RNGTT: variants seen among roughly 807,000 people sequenced by gnomAD.
RNGTT encodes mRNA-capping enzyme.
Under a neutral mutation model 79.3 loss-of-function variants are expected in RNGTT, and 33 were observed. That is an observed-to-expected ratio of 0.42 (90% CI 0.32 to 0.56). RNGTT has a LOEUF of 0.56. Ranked by LOEUF, RNGTT falls within the 20% of genes least tolerant of loss-of-function variation. RNGTT has a pLI of 0.17. For synonymous variants in RNGTT, 222 were observed against 235.9 expected (o/e 0.94, Z 0.54); for missense variants, 497 against 739.1 (o/e 0.67, Z 3.80).
At chr6:88,649,634 T>C (rs1201835900) in intron 14 of RNGTT, among the ~76,000 whole-genome samples, 1 of 151,932 alleles carries the variant, frequency 6.6e-6, no homozygotes, top group Non-Finnish European at 1.5e-5. Context: ...GAGGTGGAGC[T>C]TGCAGTGAGC....
intron 13 of RNGTT, among the ~76,000 whole-genome samples, chr6:88,750,084 A>G (rs373538016): frequency 1.3e-5 from 2 of 152,188 alleles, no homozygotes; most frequent in African/African-American, 4.8e-5. Flanking sequence ...GTATGAGCTC[A>G]TCTTAACTTA....
chr6:88,761,016 A>AACACAC (rs1252503689), intron 13 of RNGTT, among the ~76,000 whole-genome samples: 1 of 94,356 alleles, frequency 1.1e-5, no homozygotes, highest in East Asian at 3.6e-4. Context: ...AAGCAAAAGA[A>AACACAC]ATACACACAC....
chr6:88,798,336 G>A (rs778318122), intron 12 of RNGTT, among the ~76,000 whole-genome samples: 8 of 151,930 alleles, frequency 5.3e-5, no homozygotes, highest in South Asian at 2.1e-4. Context: ...GTGGTGGTGC[G>A]CGCCTATAGT....
At chr6:88,854,279 A>T (rs532591259) in intron 8 of RNGTT, among the ~76,000 whole-genome samples, 2 of 152,084 alleles carry the variant, frequency 1.3e-5, no homozygotes, top group Non-Finnish European at 2.9e-5. Flanking sequence ...GAAAACACAG[A>T]GTATAGGGAA....
intron 8 of RNGTT, among the ~76,000 whole-genome samples, chr6:88,881,774 AAG>A (rs1171013422): frequency 1.3e-5 from 2 of 152,176 alleles, no homozygotes; most frequent in African/African-American, 2.4e-5. Flanking sequence ...CAAAGGAAGA[AAG>A]AGAGGAAATG....
chr6:88,780,567 A>G (rs1019518235), intron 12 of RNGTT, among the ~76,000 whole-genome samples: 3 of 152,286 alleles, frequency 2.0e-5, no homozygotes, highest in Non-Finnish European at 1.5e-5. Flanking sequence ...TATCAGAGCT[A>G]TAGTTAACTG....
chr6:88,741,594 AATT>A (rs1403000161), intron 13 of RNGTT, among the ~76,000 whole-genome samples: 1 of 152,156 alleles, frequency 6.6e-6, no homozygotes, highest in Non-Finnish European at 1.5e-5. Context: ...TAAAAGTTAA[AATT>A]ATTTTCAAAA....
intron 1 of RNGTT, among the ~76,000 whole-genome samples, chr6:88,952,964 C>A (rs1408591074): frequency 6.6e-6 from 1 of 152,202 alleles, no homozygotes; most frequent in Non-Finnish European, 1.5e-5. Flanking sequence ...ACAAAAGAAT[C>A]TGAACAGACG....
chr6:88,858,950 T>G (rs1272930595), intron 8 of RNGTT, among the ~76,000 whole-genome samples: 2 of 151,996 alleles, frequency 1.3e-5, no homozygotes, highest in African/African-American at 2.4e-5. Flanking sequence ...GAAAATGGTA[T>G]GAAATGAGAC....
intron 13 of RNGTT, among the ~76,000 whole-genome samples, chr6:88,692,092 A>G (rs1775503194): frequency 6.6e-6 from 1 of 152,208 alleles, no homozygotes; most frequent in Non-Finnish European, 1.5e-5. Flanking sequence ...TTACAAGACC[A>G]CAAACACAAC....
chr6:88,806,604 C>T (rs183842735), intron 11 of RNGTT, among the ~76,000 whole-genome samples: 13 of 152,106 alleles, frequency 8.5e-5, no homozygotes, highest in South Asian at 2.1e-4. Context: ...TGTGGGCCAC[C>T]GCACCCGGCC....
intron 13 of RNGTT, among the ~76,000 whole-genome samples, chr6:88,678,860 T>C (rs1482466470): frequency 6.6e-6 from 1 of 152,172 alleles, no homozygotes; most frequent in Non-Finnish European, 1.5e-5. Context: ...ATATTAGTAA[T>C]TCTAACAAAA....
At chr6:88,872,366 A>G (rs1230964770) in intron 8 of RNGTT, among the ~76,000 whole-genome samples, 9 of 152,156 alleles carry the variant, frequency 5.9e-5, no homozygotes, top group Non-Finnish European at 8.8e-5. Flanking sequence ...AGCCCTGGCC[A>G]ACAGCTTGAC....
chr6:88,899,831 T>C (rs925900197), intron 6 of RNGTT, among the ~76,000 whole-genome samples: 1 of 152,088 alleles, frequency 6.6e-6, no homozygotes, highest in African/African-American at 2.4e-5. Flanking sequence ...ATCACAGCAA[T>C]GGGAAATAAA....
chr6:88,728,788 C>A (rs1777006902), intron 13 of RNGTT, among the ~76,000 whole-genome samples: 1 of 152,204 alleles, frequency 6.6e-6, no homozygotes, highest in Non-Finnish European at 1.5e-5. Context: ...AATTTCTCCT[C>A]CTCTGTCTAA....
At chr6:88,760,885 T>TA (rs1778193884) in intron 13 of RNGTT, among the ~76,000 whole-genome samples, 2 of 151,840 alleles carry the variant, frequency 1.3e-5, no homozygotes, top group South Asian at 4.1e-4. Flanking sequence ...TTTTTTTTTT[T>TA]TTTCCCAGAG....
At chr6:88,637,619 C>G (rs1007547065) in intron 14 of RNGTT, among the ~76,000 whole-genome samples, 4 of 151,988 alleles carry the variant, frequency 2.6e-5, no homozygotes, top group Non-Finnish European at 5.9e-5. Context: ...AAGGAACACC[C>G]TATGGTTTTA....
intron 14 of RNGTT, among the ~76,000 whole-genome samples, chr6:88,645,758 A>T: frequency 6.6e-6 from 1 of 152,218 alleles, no homozygotes; most frequent in African/African-American, 2.4e-5. Flanking sequence ...TGAGGAAAGG[A>T]TTCCCTATTT....
At chr6:88,740,281 G>C (rs1041227622) in intron 13 of RNGTT, among the ~76,000 whole-genome samples, 1 of 152,082 alleles carries the variant, frequency 6.6e-6, no homozygotes, top group Non-Finnish European at 1.5e-5. Flanking sequence ...ACTTTGGGGG[G>C]GCCGAGGCAG....
Sources: gnomAD v4.1 joint callset for allele counts (sites outside exome capture counted in the v4.1 genomes callset) on GRCh38, gnomAD v4.1.1 for gene constraint, MANE v1.5 for transcripts, NCBI Gene and HGNC (gene_info 2026-07-23, HGNC 2026-07-21) for gene names.